The following PCED1B variants were observed in gnomAD, a reference collection of about 807,000 sequenced individuals.
PCED1B encodes the protein PC-esterase domain containing 1B, also known as PC-esterase domain-containing protein 1B.
For synonymous variants in PCED1B, 251 were observed against 246.1 expected (o/e 1.02, Z -0.19); for missense variants, 573 against 573.9 (o/e 1.00, Z 0.02).
At chr12:47,211,710 C>T (rs1413569922) in intron 2 of PCED1B, among the ~76,000 whole-genome samples, 1 of 149,412 alleles carries the variant, frequency 6.7e-6, no homozygotes, top group Non-Finnish European at 1.5e-5. Flanking sequence ...GTAATTCCAG[C>T]ACTTTGGGAG....
At chr12:47,186,367 G>T (rs1352010018) in intron 2 of PCED1B, among the ~76,000 whole-genome samples, 2 of 152,082 alleles carry the variant, frequency 1.3e-5, no homozygotes, top group Non-Finnish European at 2.9e-5. Flanking sequence ...GAAACTTATG[G>T]TAGATGAGGG....
chr12:47,080,333 T>A (rs1400461447), intron 1 of PCED1B, among the ~76,000 whole-genome samples: 1 of 152,044 alleles, frequency 6.6e-6, no homozygotes, highest in Non-Finnish European at 1.5e-5. Flanking sequence ...GCCGCACAGG[T>A]CACGTCTCTC....
At chr12:47,210,791 T>C (rs541133162) in intron 2 of PCED1B, 82 of 151,946 alleles carry the variant, frequency 5.4e-4, no homozygotes, top group African/African-American at 1.9e-3. Context: ...TAAATAAATA[T>C]ATTTCAGAGA....
rs1344838000 is a variant in PCED1B at position 47,217,531 on chromosome 12, G to GAAAGAAAGAGAAA, written c.-58+843_-58+844insAAGAAAGAGAAAA. On this transcript the variant is annotated intron_variant, in intron 3 of 3. Coordinates refer to ENST00000546455, the MANE Select transcript of PCED1B (RefSeq NM_138371.3). ...AAGAAAGAAAGAAGAAAGAGAAAGA[G>GAAAGAAAGAGAAA]AGAAAAGAAAAGGAAAGAAAGAAAG... Among the ~76,000 whole-genome samples the GAAAGAAAGAGAAA allele has an allele frequency of 4.1e-3, 416 of 100,916 alleles. 24 individuals are homozygous for GAAAGAAAGAGAAA. The highest frequency in any genetic ancestry group is 0.011 in the Middle Eastern group (2 of 186). The allele number at this position is 100,916 out of a possible 152,430, so 66.2% of individuals were successfully genotyped here.
intron 2 of PCED1B, among the ~76,000 whole-genome samples, chr12:47,189,073 G>A (rs147319982): frequency 3.3e-5 from 5 of 152,210 alleles, no homozygotes; most frequent in Admixed American, 3.3e-4. Flanking sequence ...AGCTCACTTT[G>A]CTGTTCTTTT....
chr12:47,211,973 G>T (rs1943101606), intron 2 of PCED1B, among the ~76,000 whole-genome samples: 1 of 151,594 alleles, frequency 6.6e-6, no homozygotes, highest in South Asian at 2.1e-4. Flanking sequence ...TACTTGGGAG[G>T]CTGAGGCAGG....
In PCED1B at chr12:47,145,018, CAAATAG is replaced by C. The variant is rs527738525; in HGVS notation, c.-526+40824_-526+40829del. ...AGATAGGCTGCAAGGCCTCTTGTGC[CAAATAG>C]TTAACCAGGTTGTAAATGCAAAAGA... On this transcript the variant is annotated intron_variant, in intron 2 of 3. Coordinates refer to ENST00000546455, the MANE Select transcript of PCED1B (RefSeq NM_138371.3). Among the ~76,000 whole-genome samples, 38 of 152,262 alleles carry C rather than the reference CAAATAG, an allele frequency of 2.5e-4. No individual in the cohort carries two copies. In the South Asian group the frequency reaches 7.7e-3, roughly 31 times the overall value.
At chr12:47,116,362 A>G (rs1397994242) in intron 2 of PCED1B, among the ~76,000 whole-genome samples, 1 of 152,218 alleles carries the variant, frequency 6.6e-6, no homozygotes, top group African/African-American at 2.4e-5. Flanking sequence ...TTAATGGAGC[A>G]AATACTTTCT....
intron 2 of PCED1B, among the ~76,000 whole-genome samples, chr12:47,207,754 C>G (rs1018836878): frequency 1.3e-5 from 2 of 152,190 alleles, no homozygotes; most frequent in Non-Finnish European, 2.9e-5. Flanking sequence ...GCCCCTAACC[C>G]CTGACTATAA....
chr12:47,230,532 C>A (rs1319553852), intron 3 of PCED1B, among the ~76,000 whole-genome samples: 1 of 152,084 alleles, frequency 6.6e-6, no homozygotes, highest in African/African-American at 2.4e-5. Context: ...CAACCTCCGC[C>A]TCCCAGGTTC....
rs527346821 is a variant in PCED1B at position 47,113,464 on chromosome 12, G to C, written c.-526+9269G>C. ...GAAAGAAGCTTGTCCAGATCTGACT[G>C]TTTGCTCAGCTTTCATGCTTTATAC... On this transcript the variant is annotated intron_variant, in intron 2 of 3. Transcript: ENST00000546455. 5.1e-3 allele frequency among the ~76,000 whole-genome samples: 773 copies of C among 152,282 alleles called. 5 individuals are homozygous for C. Among genetic ancestry groups the C allele is most frequent in the African/African-American group, 0.017 (705 of 41,554 alleles).
chr12:47,143,801 T>C (rs1463016717), intron 2 of PCED1B, among the ~76,000 whole-genome samples: 1 of 54,416 alleles, frequency 1.8e-5, no homozygotes, highest in African/African-American at 4.8e-5. Context: ...AAAGCTAGAC[T>C]TCAAATTATG....
chr12:47,112,057 C>T lies in PCED1B; in HGVS notation c.-526+7862C>T, dbSNP rs562096781. Among the ~76,000 whole-genome samples, 43 of 152,292 alleles carry T rather than the reference C, an allele frequency of 2.8e-4. No homozygotes were observed. In the East Asian group the frequency reaches 5.8e-3, roughly 20 times the overall value. On this transcript the variant is annotated intron_variant, in intron 2 of 3. Transcript: ENST00000546455. ...CAGAGCTGCCAACCCCCAGCCCACG[C>T]GAGCTCTGTGCTTGATTATGGGTGT...
At chr12:47,129,595 A>C (rs1013828391) in intron 2 of PCED1B, among the ~76,000 whole-genome samples, 1 of 152,140 alleles carries the variant, frequency 6.6e-6, no homozygotes, top group Non-Finnish European at 1.5e-5. Flanking sequence ...CCAATTAAAA[A>C]AAAAATTTTT....
intron 2 of PCED1B, among the ~76,000 whole-genome samples, chr12:47,111,045 A>G (rs1939173001): frequency 1.3e-5 from 2 of 152,234 alleles, no homozygotes; most frequent in Non-Finnish European, 2.9e-5. Context: ...ATTGCTTTGT[A>G]AGTGGTCTGA....
chr12:47,235,846 C>T lies in PCED1B; in HGVS notation c.783C>T (p.Pro261=), dbSNP rs1258182030. 4 of 1,574,670 alleles carry T rather than the reference C, an allele frequency of 2.5e-6. No individual in the cohort carries two copies. Among genetic ancestry groups the T allele is most frequent in the African/African-American group, 2.7e-5 (2 of 73,904 alleles). ...AWGVELPHRH[P]VGEWIKKKKP... ...GTGTGGAGCTGCCCCACCGCCACCC[C>T]GTGGGCGAGTGGATCAAGAAGAAAA... Residue 261 remains proline (P), a synonymous_variant, in exon 4 of 4, where the codon CCC becomes CCT. Transcript: ENST00000546455.
chr12:47,178,191 G>A (rs185610385), intron 2 of PCED1B, among the ~76,000 whole-genome samples: 2 of 152,318 alleles, frequency 1.3e-5, no homozygotes, highest in African/African-American at 4.8e-5. Flanking sequence ...TGAGAATACA[G>A]CACCTTTGGC....
chr12:47,131,818 G>A (rs1029630444), intron 2 of PCED1B, among the ~76,000 whole-genome samples: 8 of 151,848 alleles, frequency 5.3e-5, no homozygotes, highest in African/African-American at 7.3e-5. Flanking sequence ...ACAGGCATGC[G>A]CCACCACATC....
chr12:47,189,089 T>C (rs1368817712), intron 2 of PCED1B, among the ~76,000 whole-genome samples: 1 of 152,222 alleles, frequency 6.6e-6, no homozygotes, highest in South Asian at 2.1e-4. Context: ...CTTTTTCATT[T>C]CCTCTATCTT....
Sources: allele counts gnomAD v4.1 joint callset (sites outside exome capture counted in the v4.1 genomes callset), GRCh38; gene constraint gnomAD v4.1.1; transcripts MANE v1.5; gene names NCBI Gene and HGNC (gene_info 2026-07-23, HGNC 2026-07-21).